GRID1: variants seen among roughly 807,000 people sequenced by gnomAD.
GRID1 encodes glutamate ionotropic receptor delta type subunit 1.
A neutral mutation model predicts 98.0 loss-of-function variants in GRID1; 28 were observed. The observed-to-expected ratio is 0.29, with a 90% CI of 0.21 to 0.39. The LOEUF is 0.39. Ranked by LOEUF, GRID1 falls within the 10% of genes least tolerant of loss-of-function variation. The probability of loss-of-function intolerance (pLI) is 1.00; values close to 1 mark genes in which losing one functional copy is unlikely to be tolerated. For missense variants in GRID1, 1,111 were observed against 1,340.5 expected (o/e 0.83, Z 2.67); for synonymous variants, 553 against 538.5 (o/e 1.03, Z -0.37).
At chr10:85,923,862 C>T (rs1589300322) in intron 4 of GRID1, among the ~76,000 whole-genome samples, 1 of 152,276 alleles carries the variant, frequency 6.6e-6, no homozygotes, top group East Asian at 1.9e-4. Context: ...ATAGTGGGGG[C>T]CTGGAGAGCT....
chr10:86,138,929 T>C lies in GRID1; in HGVS notation c.616A>G (p.Thr206Ala). The C allele has an allele frequency of 6.2e-7, 1 of 1,613,888 alleles. No individual in the cohort carries two copies. Among genetic ancestry groups the C allele is most frequent in the Non-Finnish European group, 8.5e-7 (1 of 1,179,790 alleles). ...GTCTTCATCGTGGTGAAGAGGCTGG[T>C]GAATACGTGGCTAATGTTCTTGTCC... ...KVDKNISHVF[T>A]SLFTTMKTEE... The change falls in exon 4 of 16, where the codon ACC (threonine) becomes GCC (alanine). Residue 206 changes from threonine (T) to alanine (A), a missense_variant. Transcript: ENST00000327946.
chr10:85,883,369 C>A (rs527487473), intron 5 of GRID1, among the ~76,000 whole-genome samples: 1 of 152,176 alleles, frequency 6.6e-6, no homozygotes, highest in Non-Finnish European at 1.5e-5. Flanking sequence ...TAATATTCTA[C>A]GTCAGATACT....
chr10:85,753,356 A>G (rs986879897), intron 8 of GRID1, among the ~76,000 whole-genome samples: 1 of 152,228 alleles, frequency 6.6e-6, no homozygotes, highest in African/African-American at 2.4e-5. Flanking sequence ...GGCACTGTCA[A>G]GCACACAGCA....
At chr10:85,681,351 T>C (rs2132596982) in intron 12 of GRID1, among the ~76,000 whole-genome samples, 1 of 152,170 alleles carries the variant, frequency 6.6e-6, no homozygotes, top group Non-Finnish European at 1.5e-5. Flanking sequence ...TTTTTTCTAA[T>C]TCAAACAACA....
At chr10:86,345,100 C>G (rs947764194) in intron 2 of GRID1, among the ~76,000 whole-genome samples, 15 of 152,208 alleles carry the variant, frequency 9.9e-5, no homozygotes, top group African/African-American at 3.6e-4. Flanking sequence ...CACACTTCCT[C>G]TTCCCTTGGC....
At chr10:85,865,608 A>T (rs1564613141) in intron 6 of GRID1, among the ~76,000 whole-genome samples, 1 of 150,350 alleles carries the variant, frequency 6.7e-6, no homozygotes, top group Non-Finnish European at 1.5e-5. Flanking sequence ...CCATGACATA[A>T]TTTTTTTTTT....
At chr10:85,852,784 G>C (rs1467976619) in intron 8 of GRID1, among the ~76,000 whole-genome samples, 1 of 152,040 alleles carries the variant, frequency 6.6e-6, no homozygotes, top group Non-Finnish European at 1.5e-5. Flanking sequence ...CCCTCACCAA[G>C]TCTCACAGCT....
intron 2 of GRID1, among the ~76,000 whole-genome samples, chr10:86,332,660 A>C (rs1848163639): frequency 6.6e-6 from 1 of 152,014 alleles, no homozygotes; most frequent in Non-Finnish European, 1.5e-5. Flanking sequence ...GCCTTCCCAC[A>C]GTGACTCCCG....
chr10:85,714,475 G>A (rs768091442), intron 12 of GRID1, among the ~76,000 whole-genome samples: 20 of 151,988 alleles, frequency 1.3e-4, no homozygotes, highest in Non-Finnish European at 8.8e-5. Flanking sequence ...TATATTTGCA[G>A]ATGACGTGAT....
chr10:85,868,923 T>C (rs1589280981), intron 6 of GRID1, 87 bp downstream of exon 6: 7 of 1,094,890 alleles, frequency 6.4e-6, no homozygotes, highest in South Asian at 4.0e-5. Context: ...TTGGTGGCAA[T>C]AGGAGGCCCC....
chr10:86,156,515 T>C (rs1845248134), intron 3 of GRID1, among the ~76,000 whole-genome samples: 1 of 152,156 alleles, frequency 6.6e-6, no homozygotes, highest in Non-Finnish European at 1.5e-5. Flanking sequence ...GGTGAGGGAA[T>C]TGACCGATCT....
chr10:86,249,271 G>A lies in GRID1; in HGVS notation c.236-42623C>T, dbSNP rs145309841. Among the ~76,000 whole-genome samples the A allele has an allele frequency of 4.6e-3, 701 of 152,300 alleles. 6 individuals carry two copies. The highest frequency in any genetic ancestry group is 0.016 in the African/African-American group (673 of 41,556). The stretch of plus-strand genomic sequence containing the variant: ...GGACCTATGTCCTGGGGTTAGACCT[G>A]GGAGATCAGAGAGGGCTTGGCATTT... On this transcript the variant is annotated intron_variant, in intron 2 of 15. Transcript: ENST00000327946.
intron 4 of GRID1, among the ~76,000 whole-genome samples, chr10:86,107,554 G>A (rs527512672): frequency 1.3e-5 from 2 of 152,352 alleles, no homozygotes; most frequent in East Asian, 3.9e-4. Context: ...TCCCTGGCCT[G>A]TGCCCATGGA....
intron 2 of GRID1, among the ~76,000 whole-genome samples, chr10:86,214,129 C>G (rs184294481): frequency 6.6e-6 from 1 of 152,176 alleles, no homozygotes; most frequent in Non-Finnish European, 1.5e-5. Flanking sequence ...ACCAACCAGA[C>G]AGTGCTGTCC....
chr10:85,919,698 T>C (rs185433483), intron 4 of GRID1, among the ~76,000 whole-genome samples: 139 of 152,332 alleles, frequency 9.1e-4, no homozygotes, highest in Non-Finnish European at 1.7e-3. Context: ...CTCCCTTTCG[T>C]CTGCAGAGTG....
intron 4 of GRID1, among the ~76,000 whole-genome samples, chr10:85,975,408 C>G (rs1218427902): frequency 6.6e-6 from 1 of 152,250 alleles, no homozygotes; most frequent in Non-Finnish European, 1.5e-5. Context: ...CTTACTTCCA[C>G]TTCACCAAGT....
intron 3 of GRID1, among the ~76,000 whole-genome samples, chr10:86,153,824 A>T (rs1468360097): frequency 1.3e-5 from 2 of 152,128 alleles, no homozygotes; most frequent in Non-Finnish European, 2.9e-5. Flanking sequence ...CTACCCATCC[A>T]TCACAAACTC....
At chr10:85,895,509 C>A (rs1191856968) in intron 5 of GRID1, among the ~76,000 whole-genome samples, 1 of 152,162 alleles carries the variant, frequency 6.6e-6, no homozygotes, top group Non-Finnish European at 1.5e-5. Flanking sequence ...GCCACTGCCC[C>A]ATTATTAACT....
At chr10:86,148,471 G>A (rs1392718426) in intron 3 of GRID1, among the ~76,000 whole-genome samples, 1 of 152,170 alleles carries the variant, frequency 6.6e-6, no homozygotes, top group Admixed American at 6.5e-5. Context: ...GGGGAGTTAG[G>A]GGACTGGGGA....
Sources: allele counts gnomAD v4.1 joint callset (sites outside exome capture counted in the v4.1 genomes callset), GRCh38; gene constraint gnomAD v4.1.1; transcripts MANE v1.5; gene names NCBI Gene and HGNC (gene_info 2026-07-23, HGNC 2026-07-21).